The following ENKUR variants were observed in gnomAD, a reference collection of about 807,000 sequenced individuals.
ENKUR encodes enkurin.
ENKUR carries 19 observed loss-of-function variants against 27.6 expected under a neutral mutation model. The observed-to-expected ratio is 0.69, with a 90% confidence interval of 0.48 to 1.01. The LOEUF (loss-of-function observed/expected upper bound fraction) is 1.01. Among genes scored for constraint, ENKUR ranks in the 50% least tolerant of loss-of-function variants. ENKUR has a pLI of 0.00. For missense variants in ENKUR, 312 were observed against 310.5 expected, an observed-to-expected ratio of 1.00 and a Z score of -0.04; for synonymous variants, 117 against 96.9, an observed-to-expected ratio of 1.21 and a Z score of -1.22.
At chr10:24,995,557 A>G (rs1564337667) in intron 3 of ENKUR, 89 bp downstream of exon 3, 1 of 1,141,136 alleles carries the variant, frequency 8.8e-7, no homozygotes, top group Admixed American at 2.2e-5. Flanking sequence ...CAATGAGAGC[A>G]CTAATAATGA....
intron 1 of ENKUR, among the ~76,000 whole-genome samples, chr10:25,003,876 T>C (rs2132704901): frequency 6.6e-6 from 1 of 152,330 alleles, no homozygotes; most frequent in Middle Eastern, 3.4e-3. Flanking sequence ...CCTCCATGTG[T>C]TCATGTGTTA....
chr10:25,019,169 A>G (rs543943825), upstream of ENKUR, among the ~76,000 whole-genome samples: 1 of 152,350 alleles, frequency 6.6e-6, no homozygotes, highest in Admixed American at 6.5e-5. Context: ...CTAATTACAG[A>G]TTGAAAATAT....
At chr10:25,031,111 C>T (rs750915498) in intron 2 of ENKUR, among the ~76,000 whole-genome samples, 19 of 152,268 alleles carry the variant, frequency 1.2e-4, no homozygotes, top group East Asian at 3.9e-4. Flanking sequence ...AGTGAGACTC[C>T]GTCTCAAAAG....
intron 2 of ENKUR, among the ~76,000 whole-genome samples, chr10:24,998,571 C>T (rs1436259290): frequency 2.6e-5 from 4 of 151,660 alleles, no homozygotes; most frequent in Admixed American, 1.3e-4. Context: ...TTTGTACGGA[C>T]GGGGTCTTGC....
chr10:24,992,898 TGAAG>T (rs1178395901), intron 3 of ENKUR, among the ~76,000 whole-genome samples: 1 of 152,206 alleles, frequency 6.6e-6, no homozygotes, highest in Non-Finnish European at 1.5e-5. Context: ...CAGGAAACAC[TGAAG>T]GAAACACCTC....
At chr10:24,991,961 G>A (rs571824003) in intron 3 of ENKUR, among the ~76,000 whole-genome samples, 2 of 152,330 alleles carry the variant, frequency 1.3e-5, no homozygotes, top group South Asian at 2.1e-4. Context: ...CCCTAGAAGT[G>A]TGAGCAGTGG....
chr10:25,027,905 C>T (rs902905), intron 2 of ENKUR, among the ~76,000 whole-genome samples: 38,335 of 151,974 alleles, frequency 0.25, 5,733 homozygotes, highest in East Asian at 0.5. Context: ...CTGTAGTTAA[C>T]GAGACAACGC....
intron 2 of ENKUR, among the ~76,000 whole-genome samples, chr10:25,033,353 A>C (rs1185787004): frequency 7.4e-6 from 1 of 134,718 alleles, no homozygotes; most frequent in African/African-American, 2.8e-5. Context: ...GCCGTGAGCT[A>C]TGATTGTGCC....
chr10:25,025,710 G>A (rs916199720), intron 2 of ENKUR: 2 of 401,082 alleles, frequency 5.0e-6, no homozygotes, highest in African/African-American at 4.1e-5. Context: ...CTCATGAGGG[G>A]TGTATCAATT....
intron 2 of ENKUR, among the ~76,000 whole-genome samples, chr10:25,048,758 G>A (rs1479241848): frequency 1.3e-5 from 2 of 152,074 alleles, no homozygotes; most frequent in African/African-American, 4.8e-5. Flanking sequence ...AGTCCAGAGA[G>A]GCAAGGGATT....
chr10:25,037,943 C>G (rs1451858789), intron 2 of ENKUR, among the ~76,000 whole-genome samples: 2 of 152,180 alleles, frequency 1.3e-5, no homozygotes, highest in African/African-American at 2.4e-5. Context: ...GGTAAATTCT[C>G]AGTTAATTGA....
At chr10:25,021,137 C>G (rs942022625), upstream of ENKUR, among the ~76,000 whole-genome samples, 8 of 152,144 alleles carry the variant, frequency 5.3e-5, no homozygotes, top group African/African-American at 1.9e-4. Context: ...TGCCTTGTAC[C>G]TACATATTTG....
At position 24,995,677 on chromosome 10, in the gene ENKUR, G is replaced by A. The variant is rs747709732; in HGVS notation, c.416C>T (p.Ser139Leu). ...RTGDKHDLEP[S>L]GLVPKYINKK... ...ATTGATGTACTTTGGAACTAGTCCT[G>A]AAGGCTCAAGATCATGCTTGTCTCC... The change falls in exon 3 of 6, where the codon TCA (serine) becomes TTA (leucine). Residue 139 changes from serine (S) to leucine (L), a missense_variant. Transcript: ENST00000331161. The A allele has an allele frequency of 2.5e-6, 4 of 1,613,714 alleles. No individual in the cohort carries two copies. In the South Asian group the frequency reaches 4.4e-5, roughly 18 times the overall value.
intron 2 of ENKUR, among the ~76,000 whole-genome samples, chr10:25,028,978 C>A (rs1178907793): frequency 6.6e-6 from 1 of 152,142 alleles, no homozygotes; most frequent in Non-Finnish European, 1.5e-5. Context: ...TCAGAGACTT[C>A]CAAATTCATC....
chr10:24,999,585 T>C (rs372678923), intron 1 of ENKUR, 39 bp from the exon 2 acceptor site: 8 of 1,499,096 alleles, frequency 5.3e-6, no homozygotes, highest in Non-Finnish European at 6.4e-6. Context: ...TTTATACTTC[T>C]AGTAAAAATT....
At chr10:25,027,294 T>C (rs969964378) in intron 2 of ENKUR, among the ~76,000 whole-genome samples, 5 of 137,986 alleles carry the variant, frequency 3.6e-5, no homozygotes, top group African/African-American at 5.5e-5. Flanking sequence ...AGGCGGAGTT[T>C]GCAGTGAGCC....
chr10:25,023,821 C>G (rs773887054), intron 2 of ENKUR: 2 of 1,614,106 alleles, frequency 1.2e-6, no homozygotes, highest in Non-Finnish European at 1.7e-6. Flanking sequence ...GTATGATGCT[C>G]GTGTTTTCTG....
At chr10:25,050,326 C>T (rs797007491) in intron 2 of ENKUR, among the ~76,000 whole-genome samples, 12 of 152,256 alleles carry the variant, frequency 7.9e-5, no homozygotes, top group African/African-American at 2.4e-4. Context: ...TAAAGACATA[C>T]GTAAGACTGG....
At chr10:24,985,010 G>A in intron 4 of ENKUR, 105 bp from the exon 5 acceptor site, 1 of 889,558 alleles carries the variant, frequency 1.1e-6, no homozygotes, top group Non-Finnish European at 1.8e-6. Context: ...AAAAGAAACT[G>A]ACAAAAATAA....
Sources: allele counts gnomAD v4.1 joint callset (sites outside exome capture counted in the v4.1 genomes callset), GRCh38; gene constraint gnomAD v4.1.1; transcripts MANE v1.5; gene names NCBI Gene and HGNC (gene_info 2026-07-23, HGNC 2026-07-21).